CCDC18: variants seen among roughly 807,000 people sequenced by gnomAD.
CCDC18 encodes coiled-coil domain containing 18.
Under a neutral mutation model 196.0 loss-of-function variants are expected in CCDC18, and 157 were observed. The observed-to-expected ratio is 0.80, with a 90% confidence interval of 0.70 to 0.91. The LOEUF (loss-of-function observed/expected upper bound fraction) is 0.91. Among genes scored for constraint, CCDC18 ranks in the 40% least tolerant of loss-of-function variants. The pLI, the probability that CCDC18 is intolerant of heterozygous loss-of-function variation, is 0.00. For missense variants in CCDC18, 1,465 were observed against 1,611.6 expected, an observed-to-expected ratio of 0.91 and a Z score of 1.56; for synonymous variants, 482 against 529.2, an observed-to-expected ratio of 0.91 and a Z score of 1.22.
intron 19 of CCDC18, among the ~76,000 whole-genome samples, chr1:93,238,385 T>C (rs1319995227): frequency 2.0e-5 from 3 of 152,202 alleles, no homozygotes; most frequent in Non-Finnish European, 4.4e-5. Context: ...ATGTACATTA[T>C]ACATGTATAA....
chr1:93,180,411 T>G (rs1382372886), upstream of CCDC18: 1 of 1,245,386 alleles, frequency 8.0e-7, no homozygotes, highest in Non-Finnish European at 1.1e-6. Context: ...AGCGCAGTTC[T>G]CCAAAGGGTA....
Position 93,190,943 on chromosome 1 carries a change from G to A in CCDC18, c.463-1057G>A, listed in dbSNP as rs113762687. Reference sequence around the variant, plus strand: ...TAACCACTCTGCTTCCTGTCATATCGACACTTTCCCTGGGCATACAGAGAA... The same window carrying A: ...TAACCACTCTGCTTCCTGTCATATCAACACTTTCCCTGGGCATACAGAGAA... On this transcript the variant is annotated intron_variant, in intron 4 of 28. Coordinates refer to ENST00000690025, the MANE Select transcript of CCDC18 (RefSeq NM_001378204.1). 1.1e-3 allele frequency: 932 copies of A among 845,446 alleles called. 8 individuals are homozygous for A. The African/African-American group carries it at 0.013, about 12-fold the overall frequency. 52.4% of individuals were successfully genotyped at this position (845,446 alleles called of 1,614,324 possible).
chr1:93,207,104 T>C lies in CCDC18; in HGVS notation c.918-3T>C, dbSNP rs1423232883. On this transcript the variant is annotated splice_polypyrimidine_tract_variant and splice_region_variant and intron_variant, in intron 8 of 28. Transcript: ENST00000690025. ...TTTCATTTTTATTCTCTTTTCTTCA[T>C]AGGCAGTTAAAAGAAGAAAATAACA... 5.0e-6 allele frequency: 7 copies of C among 1,401,686 alleles called. No individual in the cohort carries two copies. The allele number at this position is 1,401,686 out of a possible 1,614,324, so 86.8% of individuals were successfully genotyped here. A position where few individuals can be genotyped will look rare whatever the true frequency, so the allele number is the denominator to read the frequency against.
Position 93,270,662 on chromosome 1 carries a change from C to A in CCDC18, c.4201C>A (p.Pro1401Thr), listed in dbSNP as rs2101539466. 4 of 1,550,298 alleles carry A rather than the reference C, an allele frequency of 2.6e-6. No homozygotes were observed. The South Asian group carries it at 4.8e-5, about 18-fold the overall frequency. ...ESHKNLTYTQ[P>T]DSFKPLTYNL... is the part of the protein sequence containing the mutation. Reference sequence around the variant, plus strand: ...CCATAAGAATCTGACTTACACCCAGCCAGACTCATTTAAACCTCTCACATA... The same window carrying A: ...CCATAAGAATCTGACTTACACCCAGACAGACTCATTTAAACCTCTCACATA... The change falls in exon 28 of 29, where the codon CCA becomes ACA. Residue 1401 changes from proline (P) to threonine (T), a missense_variant. Transcript: ENST00000690025.
chr1:93,192,948 A>G (rs999644739), intron 5 of CCDC18, among the ~76,000 whole-genome samples: 1 of 152,160 alleles, frequency 6.6e-6, no homozygotes, highest in Non-Finnish European at 1.5e-5. Context: ...AGTTCTGCAA[A>G]TGATGCTGCT....
intron 28 of CCDC18, among the ~76,000 whole-genome samples, chr1:93,276,835 A>G (rs1218046236): frequency 1.3e-5 from 2 of 151,732 alleles, no homozygotes; most frequent in African/African-American, 2.4e-5. Context: ...AAGGTGGGAC[A>G]AGAGATTTGG....
At chr1:93,204,386 G>A (rs189759755) in intron 7 of CCDC18, among the ~76,000 whole-genome samples, 14 of 152,226 alleles carry the variant, frequency 9.2e-5, no homozygotes, top group Admixed American at 3.9e-4. Context: ...TTTTCATAGC[G>A]TAAGGAGGAT....
intron 21 of CCDC18, among the ~76,000 whole-genome samples, chr1:93,243,207 A>G (rs994395527): frequency 6.6e-6 from 1 of 152,198 alleles, no homozygotes; most frequent in African/African-American, 2.4e-5. Flanking sequence ...AGGCCTTTCC[A>G]TATATCCTCT....
intron 6 of CCDC18, among the ~76,000 whole-genome samples, chr1:93,199,403 T>C (rs1653412238): frequency 6.6e-6 from 1 of 152,178 alleles, no homozygotes; most frequent in Non-Finnish European, 1.5e-5. Context: ...CATAAGCAGC[T>C]TCTGTGGCTG....
At chr1:93,258,085 TTAAAA>T (rs1663261071) in intron 25 of CCDC18, among the ~76,000 whole-genome samples, 2 of 149,974 alleles carry the variant, frequency 1.3e-5, no homozygotes, top group South Asian at 4.2e-4. Flanking sequence ...ATTAAATTAA[TTAAAA>T]TTAAATTAAT....
chr1:93,231,600 A>G (rs1659248456), intron 17 of CCDC18, among the ~76,000 whole-genome samples: 1 of 152,138 alleles, frequency 6.6e-6, no homozygotes, highest in African/African-American at 2.4e-5. Flanking sequence ...CTGCTGGCAT[A>G]TTTTTAGAAT....
chr1:93,227,461 C>G (rs1374272772), intron 17 of CCDC18, among the ~76,000 whole-genome samples: 1 of 152,056 alleles, frequency 6.6e-6, no homozygotes, highest in East Asian at 1.9e-4. Context: ...AGCCACTGCA[C>G]CCAGACTTGG....
At chr1:93,231,144 T>C (rs1432931347) in intron 17 of CCDC18, among the ~76,000 whole-genome samples, 4 of 152,224 alleles carry the variant, frequency 2.6e-5, no homozygotes, top group African/African-American at 9.6e-5. Context: ...ACCTGCTGGA[T>C]AGTTAGAAAA....
At position 93,217,853 on chromosome 1, in the gene CCDC18, A is replaced by G. The variant is rs1265581368; in HGVS notation, c.1946A>G (p.Glu649Gly). Residue 649 changes from glutamate (E) to glycine (G), a missense_variant, in exon 14 of 29, where the codon GAA (glutamate) becomes GGA (glycine). Glu to Gly is a moderately conservative substitution (Grantham distance 98). Coordinates refer to ENST00000690025, the MANE Select transcript of CCDC18 (RefSeq NM_001378204.1). ...KIHLEQHKEMEKQIERLEAQL... is the reference protein window; with the variant it reads ...KIHLEQHKEMGKQIERLEAQL... Reference sequence around the variant, plus strand: ...CACTTGGAACAGCATAAAGAAATGGAAAAGCAGATTGAAAGAGTAAGTAAT... The same window carrying G: ...CACTTGGAACAGCATAAAGAAATGGGAAAGCAGATTGAAAGAGTAAGTAAT... 1.9e-6 allele frequency: 3 copies of G among 1,610,638 alleles called. No homozygotes were observed. The highest frequency in any genetic ancestry group is 2.5e-6 in the Non-Finnish European group (3 of 1,178,108).
chr1:93,238,297 T>C (rs191792976), intron 19 of CCDC18, among the ~76,000 whole-genome samples: 1 of 152,346 alleles, frequency 6.6e-6, no homozygotes, highest in African/African-American at 2.4e-5. Context: ...TCATCTAATC[T>C]AGTACTTAAT....
At position 93,216,681 on chromosome 1, in the gene CCDC18, G is replaced by A; in HGVS notation, c.1765G>A (p.Glu589Lys). 1 of 1,586,584 alleles carries A rather than the reference G, an allele frequency of 6.3e-7. No individual in the cohort carries two copies. The highest frequency in any genetic ancestry group is 8.6e-7 in the Non-Finnish European group (1 of 1,168,878). Residue 589 changes from glutamate (E) to lysine (K), a missense_variant, in exon 13 of 29, where the codon GAA becomes AAA. Transcript: ENST00000690025. ...SQLLTLEKQLEEKIVAYSSIA... is the reference protein window; with the variant it reads ...SQLLTLEKQLKEKIVAYSSIA... ...ACTTTTAACTCTTGAGAAACAGCTG[G>A]AAGAAAAGATAGTTGCTTATTCCTC...
rs1428557221 is a variant in CCDC18 at position 93,183,382 on chromosome 1, C to T, written c.21C>T (p.Asp7=). MESSSS[D]YYNKDNEEES... ...AAGAAATGGAATCTAGTTCATCAGA[C>T]TACTATAATAAAGACAATGAAGAGG... The change falls in exon 2 of 29, where the codon GAC becomes GAT. Residue 7 remains aspartate, a synonymous_variant. Coordinates refer to ENST00000690025, the MANE Select transcript of CCDC18 (RefSeq NM_001378204.1). 4 of 1,581,090 alleles carry T rather than the reference C, an allele frequency of 2.5e-6. No homozygotes were observed. Among genetic ancestry groups the T allele is most frequent in the Non-Finnish European group, 3.4e-6 (4 of 1,160,608 alleles).
chr1:93,238,387 C>T (rs996713660), intron 19 of CCDC18, among the ~76,000 whole-genome samples: 1 of 152,110 alleles, frequency 6.6e-6, no homozygotes. Context: ...GTACATTATA[C>T]ATGTATAATT....
chr1:93,207,422 G>A, intron 9 of CCDC18, 24 bp downstream of exon 9: 1 of 1,492,070 alleles, frequency 6.7e-7, no homozygotes, highest in Non-Finnish European at 9.0e-7. Flanking sequence ...ATTACGTAAT[G>A]GAAAAGAAGA....
Sources: allele counts gnomAD v4.1 joint callset (sites outside exome capture counted in the v4.1 genomes callset), GRCh38; gene constraint gnomAD v4.1.1; transcripts MANE v1.5; gene names NCBI Gene and HGNC (gene_info 2026-07-23, HGNC 2026-07-21).